Variants in SVEP1 observed in about 807,000 individuals in gnomAD.
The protein encoded by SVEP1 is sushi, von Willebrand factor type A, EGF and pentraxin domain containing 1, also known as sushi, von Willebrand factor type A, EGF and pentraxin domain-containing protein 1.
Under a neutral mutation model 367.3 loss-of-function variants are expected in SVEP1, and 164 were observed. The ratio of observed to expected loss-of-function variants is 0.45; its 90% CI spans 0.39 to 0.51. SVEP1 has a LOEUF of 0.51. Ranked by LOEUF, SVEP1 falls within the 20% of genes least tolerant of loss-of-function variation. SVEP1 has a pLI of 0.00. For missense variants in SVEP1, 4,117 were observed against 4,425.3 expected (o/e 0.93, Z 1.98); for synonymous variants, 1,666 against 1,611.6 (o/e 1.03, Z -0.81).
intron 16 of SVEP1, 100 bp from the exon 17 acceptor site, chr9:110,469,201 G>C (rs760281948): frequency 1.6e-6 from 2 of 1,268,262 alleles, no homozygotes; most frequent in African/African-American, 3.0e-5. Context: ...CATGCTTGAA[G>C]GTGCTATTGT....
chr9:110,518,350 A>G (rs554738399), intron 3 of SVEP1, among the ~76,000 whole-genome samples: 2 of 152,096 alleles, frequency 1.3e-5, no homozygotes, highest in Non-Finnish European at 2.9e-5. Flanking sequence ...TGAACCTGGG[A>G]GACGGAGGTT....
At chr9:110,425,258 T>TA (rs1828234912) in intron 36 of SVEP1, among the ~76,000 whole-genome samples, 1 of 152,336 alleles carries the variant, frequency 6.6e-6, no homozygotes, top group South Asian at 2.1e-4. Flanking sequence ...CTAGCTCAGA[T>TA]AGCTTCCCCA....
chr9:110,482,242 A>G, intron 11 of SVEP1, 119 bp downstream of exon 11: 2 of 1,111,906 alleles, frequency 1.8e-6, no homozygotes, highest in East Asian at 2.7e-5. Flanking sequence ...AAAACCTGTC[A>G]GTCTTCTAAC....
intron 36 of SVEP1, among the ~76,000 whole-genome samples, chr9:110,424,954 G>T (rs535317815): frequency 1.3e-5 from 2 of 152,304 alleles, no homozygotes; most frequent in South Asian, 2.1e-4. Context: ...GATTACAGGC[G>T]TGAGCCACCA....
intron 36 of SVEP1, among the ~76,000 whole-genome samples, chr9:110,423,218 T>C (rs1292324461): frequency 4.9e-5 from 7 of 142,498 alleles, no homozygotes; most frequent in Non-Finnish European, 1.1e-4. Flanking sequence ...TGTAGATTTG[T>C]ATATTCAGCT....
intron 41 of SVEP1, among the ~76,000 whole-genome samples, chr9:110,388,826 G>T (rs1026331653): frequency 6.6e-6 from 1 of 152,048 alleles, no homozygotes; most frequent in Non-Finnish European, 1.5e-5. Flanking sequence ...AAAATTACCC[G>T]GGCATGGTGG....
chr9:110,566,867 T>A (rs976185835), intron 1 of SVEP1, among the ~76,000 whole-genome samples: 2 of 152,226 alleles, frequency 1.3e-5, no homozygotes, highest in African/African-American at 4.8e-5. Context: ...CCAGAGGTGC[T>A]GTAAAGTTTA....
intron 1 of SVEP1, among the ~76,000 whole-genome samples, chr9:110,552,983 A>G (rs1302848005): frequency 2.6e-5 from 4 of 152,210 alleles, no homozygotes; most frequent in African/African-American, 7.2e-5. Flanking sequence ...GTGAGCCAAG[A>G]AGAGATGTGT....
chr9:110,416,775 T>G (rs1828127086), intron 36 of SVEP1, among the ~76,000 whole-genome samples: 1 of 152,050 alleles, frequency 6.6e-6, no homozygotes. Flanking sequence ...AACATATTAC[T>G]TATACAGCAA....
At chr9:110,384,297 C>A (rs1256729161) in intron 43 of SVEP1, among the ~76,000 whole-genome samples, 1 of 136,108 alleles carries the variant, frequency 7.3e-6, no homozygotes, top group Admixed American at 7.2e-5. Context: ...CCCCATGTGG[C>A]TCCCAGGTGG....
At chr9:110,486,350 T>C (rs1305722736) in intron 9 of SVEP1, among the ~76,000 whole-genome samples, 2 of 152,150 alleles carry the variant, frequency 1.3e-5, no homozygotes, top group Non-Finnish European at 2.9e-5. Context: ...GTCAAAAGAA[T>C]TGGAGGCGAC....
intron 36 of SVEP1, among the ~76,000 whole-genome samples, chr9:110,413,249 G>A (rs12684677): frequency 0.38 from 55,380 of 144,624 alleles, 10,977 homozygotes; most frequent in African/African-American, 0.51. Context: ...TAGGGACATG[G>A]ATGAAATTGG....
chr9:110,570,970 C>CTTTTTTTTTTTTTTTTTT (rs374900472), intron 1 of SVEP1, among the ~76,000 whole-genome samples: 1 of 114,928 alleles, frequency 8.7e-6, no homozygotes, highest in African/African-American at 3.1e-5. Context: ...CAGATGGCTC[C>CTTTTTTTTTTTTTTTTTT]TTTTTTTTTT....
At chr9:110,396,515 A>T (rs1827762542) in intron 40 of SVEP1, among the ~76,000 whole-genome samples, 1 of 151,070 alleles carries the variant, frequency 6.6e-6, no homozygotes, top group South Asian at 2.1e-4. Flanking sequence ...GAACTGAAGG[A>T]AATAGAGACA....
rs529353262 is a variant in SVEP1, at chr9:110,451,678, T to C, written c.3788-276A>G. ...GTGAAAAAGATGTGTGATTTTGTTTTAAATTTTTTCTCCTTATTTGTTTGC... is the reference window on the plus strand; with the variant it reads ...GTGAAAAAGATGTGTGATTTTGTTTCAAATTTTTTCTCCTTATTTGTTTGC... On this transcript the variant is annotated intron_variant, in intron 22 of 47. Transcript: ENST00000374469. Among the ~76,000 whole-genome samples the C allele has an allele frequency of 1.2e-4, 19 of 152,366 alleles. No individual in the cohort carries two copies. The South Asian group carries it at 3.3e-3, about 27-fold the overall frequency.
rs776051025 is a variant in SVEP1, at chr9:110,390,203, GTATGTATATACT to G, written c.9823-628_9823-617del. 7.3e-4 allele frequency among the ~76,000 whole-genome samples: 45 copies of G among 61,386 alleles called. 1 individual carries two copies. Among genetic ancestry groups the G allele is most frequent in the East Asian group, 1.0e-3 (4 of 3,864 alleles). 40.3% of individuals were successfully genotyped at this position (61,386 alleles called of 152,430 possible). A position where few individuals can be genotyped will look rare whatever the true frequency, so the allele number is the denominator to read the frequency against. On this transcript the variant is annotated intron_variant, in intron 40 of 47. Coordinates refer to ENST00000374469, the MANE Select transcript of SVEP1 (RefSeq NM_153366.4). ...TGTATATATACACTTATATAAGTAT[GTATGTATATACT>G]TGTATATATACTTATATAAGTATGT...
Position 110,408,064 on chromosome 9 carries a change from C to G in SVEP1, c.7536G>C (p.Thr2512=). Residue 2512 remains threonine, a synonymous_variant, in exon 38 of 48, where the codon ACG becomes ACC. Transcript: ENST00000374469. ...TAACGGTCTGTCCATAGTGTAGGTC[C>G]GTGTAAGAGAATTTGCCATTCAAAA... is the stretch of plus-strand genomic sequence containing the variant. The part of the protein sequence containing the change: ...KEILNGKFSY[T]DLHYGQTVTY... The G allele has an allele frequency of 6.2e-7, 1 of 1,612,142 alleles. No homozygotes were observed. Among genetic ancestry groups the G allele is most frequent in the East Asian group, 2.2e-5 (1 of 44,774 alleles).
At chr9:110,376,033 C>A (rs922573227) in intron 45 of SVEP1, among the ~76,000 whole-genome samples, 1 of 152,090 alleles carries the variant, frequency 6.6e-6, no homozygotes, top group Non-Finnish European at 1.5e-5. Flanking sequence ...ATTCCTCCTC[C>A]TAGAAATCAC....
At chr9:110,486,018 A>C (rs1465457954) in intron 9 of SVEP1, among the ~76,000 whole-genome samples, 1 of 152,192 alleles carries the variant, frequency 6.6e-6, no homozygotes, top group Non-Finnish European at 1.5e-5. Flanking sequence ...ACTGTAGACC[A>C]GTAAACTCTG....
Sources: allele counts gnomAD v4.1 joint callset (sites outside exome capture counted in the v4.1 genomes callset), GRCh38; gene constraint gnomAD v4.1.1; transcripts MANE v1.5; gene names NCBI Gene and HGNC (gene_info 2026-07-23, HGNC 2026-07-21).